The following PCNT variants were observed in gnomAD, a reference collection of about 807,000 sequenced individuals.
PCNT encodes the protein pericentrin, also known as kendrin.
A neutral mutation model predicts 380.4 loss-of-function variants in PCNT; 319 were observed. The observed-to-expected ratio is 0.84, with a 90% CI of 0.77 to 0.92. The LOEUF is 0.92. Among genes scored for constraint, PCNT ranks in the 40% least tolerant of loss-of-function variants. PCNT has a pLI of 0.00. For missense variants in PCNT, 4,400 were observed against 4,255.3 expected (o/e 1.03, Z -0.95); for synonymous variants, 1,845 against 1,735.2 (o/e 1.06, Z -1.57).
chr21:46,324,723 C>T, intron 1 of PCNT: 1 of 245,154 alleles, frequency 4.1e-6, no homozygotes, highest in Non-Finnish European at 6.5e-6. Context: ...TCCTCCGGGA[C>T]CGGGTGGCCT....
chr21:46,416,459 G>C lies in PCNT; in HGVS notation c.6541G>C (p.Glu2181Gln). 6.2e-7 allele frequency: 1 copy of C among 1,614,202 alleles called. No homozygotes were observed. Among genetic ancestry groups the C allele is most frequent in the Non-Finnish European group, 8.5e-7 (1 of 1,180,036 alleles). Residue 2181 changes from glutamate (E) to glutamine (Q), a missense_variant, in exon 30 of 47, where the codon GAA (glutamate) becomes CAA (glutamine). Transcript: ENST00000359568. Reference sequence around the variant, plus strand: ...TGAAATGCCAGATTCTCCCATTCAAGAAAAATCAGAATGTCAGGACATGTC... The same window carrying C: ...TGAAATGCCAGATTCTCCCATTCAACAAAAATCAGAATGTCAGGACATGTC... ...PDEMPDSPIQ[E>Q]KSECQDMSLS...
intron 29 of PCNT, among the ~76,000 whole-genome samples, chr21:46,413,964 G>A (rs1312298255): frequency 6.6e-6 from 1 of 151,758 alleles, no homozygotes; most frequent in Non-Finnish European, 1.5e-5. Context: ...GCCGCATCAG[G>A]TGCAGATGGC....
At position 46,334,394 on chromosome 21, in the gene PCNT, T is replaced by C. The variant is rs759819128; in HGVS notation, c.268-3T>C. ...TGCTTCTTTCTGGTCCTCCCCTTCT[T>C]AGCCGGAGGACTGTGATGGAGAGAA... On this transcript the variant is annotated splice_polypyrimidine_tract_variant and splice_region_variant and intron_variant, in intron 2 of 46. Transcript: ENST00000359568. 1.2e-6 allele frequency: 2 copies of C among 1,614,150 alleles called. No individual in the cohort carries two copies. Among genetic ancestry groups the C allele is most frequent in the African/African-American group, 1.3e-5 (1 of 75,052 alleles).
At chr21:46,352,347 G>T (rs1230228257) in intron 9 of PCNT, among the ~76,000 whole-genome samples, 2 of 152,156 alleles carry the variant, frequency 1.3e-5, no homozygotes, top group Non-Finnish European at 2.9e-5. Context: ...AGAGCATGTC[G>T]ATTTATCTTC....
At chr21:46,379,130 T>C (rs1380227018) in intron 15 of PCNT, among the ~76,000 whole-genome samples, 1 of 152,226 alleles carries the variant, frequency 6.6e-6, no homozygotes, top group Non-Finnish European at 1.5e-5. Flanking sequence ...TGTCTTAATT[T>C]CTCCTTCATC....
intron 13 of PCNT, among the ~76,000 whole-genome samples, chr21:46,358,871 G>A (rs1482174436): frequency 2.0e-5 from 3 of 151,986 alleles, no homozygotes; most frequent in African/African-American, 7.3e-5. Flanking sequence ...CGCAATCTCA[G>A]CTCACTGCAA....
At chr21:46,411,106 A>T in intron 27 of PCNT, 83 bp from the exon 28 acceptor site, 2 of 1,351,570 alleles carry the variant, frequency 1.5e-6, no homozygotes, top group Non-Finnish European at 2.1e-6. Flanking sequence ...CCAAGAATGC[A>T]TTCAGGATGT....
At chr21:46,429,989 C>A in intron 35 of PCNT, 21 bp from the exon 36 acceptor site, 1 of 1,605,868 alleles carries the variant, frequency 6.2e-7, no homozygotes, top group East Asian at 2.2e-5. Flanking sequence ...GGGCCTGTTA[C>A]TGTTCTTTTG....
intron 34 of PCNT, 39 bp downstream of exon 34, chr21:46,427,834 AG>A (rs777403973): frequency 5.0e-6 from 8 of 1,607,792 alleles, no homozygotes; most frequent in Non-Finnish European, 6.0e-6. Context: ...AGTTTGCCCC[AG>A]GGGTCCAGCC....
chr21:46,365,899 T>C (rs116583579), intron 14 of PCNT, among the ~76,000 whole-genome samples: 14 of 119,206 alleles, frequency 1.2e-4, no homozygotes, highest in African/African-American at 8.0e-4. Context: ...CGTGGGGTTC[T>C]GTTCACTGCC....
chr21:46,428,540 C>T lies in PCNT; in HGVS notation c.7640C>T (p.Thr2547Ile), dbSNP rs137872392. 1 of 1,609,952 alleles carries T rather than the reference C, an allele frequency of 6.2e-7. No individual in the cohort carries two copies. Among genetic ancestry groups the T allele is most frequent in the African/African-American group, 1.3e-5 (1 of 75,048 alleles). Residue 2547 changes from threonine (T) to isoleucine (I), a missense_variant, in exon 35 of 47, where the codon ACA becomes ATA. Transcript: ENST00000359568. ...CTGCAGCACTTGCGCACGGCGCTGACAAGCGCAGAGGCGCGCGGGAGCCAG... is the reference window on the plus strand; with the variant it reads ...CTGCAGCACTTGCGCACGGCGCTGATAAGCGCAGAGGCGCGCGGGAGCCAG... ...EKLQHLRTAL[T>I]SAEARGSQQE... is the part of the protein sequence containing the mutation.
chr21:46,403,159 G>C (rs1345913578), intron 27 of PCNT, among the ~76,000 whole-genome samples: 1 of 150,228 alleles, frequency 6.7e-6, no homozygotes, highest in Non-Finnish European at 1.5e-5. Flanking sequence ...ATTAGTGTGT[G>C]TGGTGCCCAC....
In PCNT at chr21:46,414,457, C is replaced by T. The variant is rs538939243; in HGVS notation, c.6150+1465C>T. On this transcript the variant is annotated intron_variant, in intron 29 of 46. Transcript: ENST00000359568. ...CTCCTCCTGGACACAGTCGCCCACC[C>T]TCCTCCTCCTGGACACACAGCCGCC... Among the ~76,000 whole-genome samples, 3 of 148,602 alleles carry T rather than the reference C, an allele frequency of 2.0e-5. No individual in the cohort carries two copies. In the East Asian group the frequency reaches 6.1e-4, roughly 30 times the overall value.
chr21:46,390,606 G>T, intron 19 of PCNT, 64 bp from the exon 20 acceptor site: 4 of 1,562,736 alleles, frequency 2.6e-6, no homozygotes, highest in East Asian at 4.5e-5. Context: ...GCGTTCTCTT[G>T]GTCTTAATGT....
chr21:46,365,322 GTTCTATTCAC>G, intron 14 of PCNT, among the ~76,000 whole-genome samples: 2 of 99,264 alleles, frequency 2.0e-5, no homozygotes, highest in Non-Finnish European at 2.4e-5. Flanking sequence ...CTGCCATGGG[GTTCTATTCAC>G]TGCCATGGGG....
At position 46,442,368 on chromosome 21, in the gene PCNT, C is replaced by CT. The variant is rs1349116399; in HGVS notation, c.9624-127dup. The CT allele has an allele frequency of 1.6e-5, 11 of 708,576 alleles. No homozygotes were observed. In the East Asian group the frequency reaches 3.0e-4, roughly 19 times the overall value. 43.9% of individuals were successfully genotyped at this position (708,576 alleles called of 1,614,324 possible). On this transcript the variant is annotated intron_variant, in intron 43 of 46. Transcript: ENST00000359568. ...GGCCCGAGTCAACAGACTGGCCGACCTTGGCGTCCTGGTCCCCATGGGCAG... is the reference window on the plus strand; with the variant it reads ...GGCCCGAGTCAACAGACTGGCCGACCTTTGGCGTCCTGGTCCCCATGGGCAG...
chr21:46,423,443 A>C (rs1300708729), intron 32 of PCNT, among the ~76,000 whole-genome samples: 2 of 151,716 alleles, frequency 1.3e-5, no homozygotes, highest in Non-Finnish European at 2.9e-5. Flanking sequence ...TGCCCACCTC[A>C]GCCTCCCAAG....
chr21:46,362,978 T>A (rs1043726005), intron 13 of PCNT, among the ~76,000 whole-genome samples: 5 of 152,230 alleles, frequency 3.3e-5, no homozygotes, highest in Non-Finnish European at 7.3e-5. Context: ...GCTCAAGGTC[T>A]TTCATTGTCC....
intron 22 of PCNT, 82 bp downstream of exon 22, chr21:46,397,576 A>T: frequency 8.5e-7 from 1 of 1,169,850 alleles, no homozygotes; most frequent in Non-Finnish European, 1.2e-6. Context: ...TCGTTACGTA[A>T]GCTTCTGCAG....
Sources: gnomAD v4.1 joint callset for allele counts (sites outside exome capture counted in the v4.1 genomes callset) on GRCh38, gnomAD v4.1.1 for gene constraint, MANE v1.5 for transcripts, NCBI Gene and HGNC (gene_info 2026-07-23, HGNC 2026-07-21) for gene names.